Variants in UHRF2 observed in about 807,000 individuals in gnomAD.
UHRF2 encodes E3 ubiquitin-protein ligase UHRF2.
A neutral mutation model predicts 96.8 loss-of-function variants in UHRF2; 23 were observed. The ratio of observed to expected loss-of-function variants is 0.24; its 90% confidence interval spans 0.17 to 0.34. UHRF2 has a LOEUF of 0.34. Ranked by LOEUF, UHRF2 falls within the 10% of genes least tolerant of loss-of-function variation. UHRF2 has a pLI of 1.00. For synonymous variants in UHRF2, 385 were observed against 332.6 expected (o/e 1.16, Z -1.72); for missense variants, 685 against 981.5 (o/e 0.70, Z 4.04).
At chr9:6,459,738 C>T (rs903549483) in intron 3 of UHRF2, among the ~76,000 whole-genome samples, 2 of 152,180 alleles carry the variant, frequency 1.3e-5, no homozygotes, top group African/African-American at 4.8e-5. Context: ...CTTTGGGAGT[C>T]CAAGGCAGGG....
At chr9:6,487,698 C>T (rs1416045107) in intron 9 of UHRF2, among the ~76,000 whole-genome samples, 1 of 152,138 alleles carries the variant, frequency 6.6e-6, no homozygotes, top group African/African-American at 2.4e-5. Flanking sequence ...GCTGGGGTTT[C>T]GCCATGTTGG....
At chr9:6,455,196 T>G (rs1382877556) in intron 3 of UHRF2, among the ~76,000 whole-genome samples, 1 of 152,218 alleles carries the variant, frequency 6.6e-6, no homozygotes, top group African/African-American at 2.4e-5. Flanking sequence ...CGAGCTCGTT[T>G]GTTACATATG....
intron 4 of UHRF2, among the ~76,000 whole-genome samples, chr9:6,465,001 G>A (rs1397655898): frequency 6.6e-6 from 1 of 151,974 alleles, no homozygotes; most frequent in African/African-American, 2.4e-5. Flanking sequence ...AAAATGTTTG[G>A]AATTATAATC....
At chr9:6,425,207 A>G (rs555760420) in intron 2 of UHRF2, among the ~76,000 whole-genome samples, 13 of 152,196 alleles carry the variant, frequency 8.5e-5, no homozygotes, top group Non-Finnish European at 1.3e-4. Flanking sequence ...ATTACTCAAC[A>G]TGGGAGGTGT....
intron 9 of UHRF2, among the ~76,000 whole-genome samples, chr9:6,487,895 A>T (rs913530433): frequency 6.6e-6 from 1 of 152,206 alleles, no homozygotes; most frequent in Admixed American, 6.5e-5. Context: ...TTTATTTTTT[A>T]AAATTAAACT....
intron 9 of UHRF2, among the ~76,000 whole-genome samples, chr9:6,491,344 C>T (rs891514281): frequency 1.3e-5 from 2 of 152,172 alleles, no homozygotes; most frequent in African/African-American, 2.4e-5. Context: ...TAAAGGCTTG[C>T]TGTGAGGTTT....
At chr9:6,460,235 A>T (rs1402874554) in intron 3 of UHRF2, among the ~76,000 whole-genome samples, 1 of 152,190 alleles carries the variant, frequency 6.6e-6, no homozygotes, top group African/African-American at 2.4e-5. Flanking sequence ...ATTCTAGAAA[A>T]ATTGTATATA....
chr9:6,443,014 G>A (rs1276087399), intron 3 of UHRF2, among the ~76,000 whole-genome samples: 1 of 151,954 alleles, frequency 6.6e-6, no homozygotes, highest in African/African-American at 2.4e-5. Context: ...TAGAGGTCTC[G>A]GGTTATAACT....
chr9:6,448,786 T>C (rs1228480603), intron 3 of UHRF2, among the ~76,000 whole-genome samples: 1 of 152,244 alleles, frequency 6.6e-6, no homozygotes, highest in Non-Finnish European at 1.5e-5. Context: ...GTTGTGGCAG[T>C]AGACAGACTA....
chr9:6,441,994 C>A (rs767449863), intron 3 of UHRF2, among the ~76,000 whole-genome samples: 2 of 152,098 alleles, frequency 1.3e-5, no homozygotes, highest in Non-Finnish European at 2.9e-5. Flanking sequence ...TAAGGTTTTT[C>A]TTGCTCTGTT....
intron 2 of UHRF2, among the ~76,000 whole-genome samples, chr9:6,430,167 T>C (rs1820486908): frequency 6.6e-6 from 1 of 152,200 alleles, no homozygotes; most frequent in Non-Finnish European, 1.5e-5. Context: ...CATGCCACCA[T>C]GCCCGGCTAA....
In UHRF2 at chr9:6,498,039, A is replaced by G; in HGVS notation, c.1789A>G (p.Ile597Val). 6.2e-7 allele frequency: 1 copy of G among 1,613,048 alleles called. No individual in the cohort carries two copies. Among genetic ancestry groups the G allele is most frequent in the Non-Finnish European group, 8.5e-7 (1 of 1,179,928 alleles). The change falls in exon 12 of 16, where the codon ATT (isoleucine) becomes GTT (valine). Residue 597 changes from isoleucine to valine, a missense_variant. Transcript: ENST00000276893. Reference protein sequence around the residue: ...IYKVVKYWPEISSSHGFLVWR... With the variant: ...IYKVVKYWPEVSSSHGFLVWR... ...TTAGGTGGTGAAATACTGGCCAGAG[A>G]TTTCATCAAGCCATGGATTCTTGGT...
intron 3 of UHRF2, among the ~76,000 whole-genome samples, chr9:6,434,555 C>T (rs938114692): frequency 4.6e-5 from 7 of 152,028 alleles, no homozygotes; most frequent in African/African-American, 1.4e-4. Context: ...TCTCCTGCCT[C>T]AGCCTCCCAA....
intron 15 of UHRF2, 130 bp downstream of exon 15, chr9:6,504,821 A>ATTTAGT: frequency 1.7e-6 from 1 of 589,944 alleles, no homozygotes; most frequent in African/African-American, 1.9e-5. Flanking sequence ...GTTAAGAAGC[A>ATTTAGT]TTTAGTTACG....
At chr9:6,498,614 C>T (rs1825104517) in intron 12 of UHRF2, 1 of 154,824 alleles carries the variant, frequency 6.5e-6, no homozygotes, top group Non-Finnish European at 1.4e-5. Flanking sequence ...CGCAAAGCTG[C>T]TTCCCTGCCC....
At chr9:6,450,859 T>C (rs1821814675) in intron 3 of UHRF2, among the ~76,000 whole-genome samples, 2 of 152,200 alleles carry the variant, frequency 1.3e-5, no homozygotes, top group South Asian at 4.1e-4. Flanking sequence ...GGAATCCCAG[T>C]TATTTCGAAT....
chr9:6,445,966 TCC>T (rs35680435), intron 3 of UHRF2, among the ~76,000 whole-genome samples: 1 of 112,652 alleles, frequency 8.9e-6, no homozygotes. Context: ...TAAATACTCT[TCC>T]CCCCCCGCCA....
chr9:6,481,481 A>G (rs1462161134), intron 6 of UHRF2, among the ~76,000 whole-genome samples, 162 bp from the exon 7 acceptor site: 1 of 152,250 alleles, frequency 6.6e-6, no homozygotes, highest in Non-Finnish European at 1.5e-5. Context: ...CTAACCATGT[A>G]AATATTTTGA....
intron 6 of UHRF2, among the ~76,000 whole-genome samples, chr9:6,478,665 G>A (rs527314485): frequency 6.6e-6 from 1 of 152,164 alleles, no homozygotes; most frequent in Non-Finnish European, 1.5e-5. Context: ...ACTGGTGAGC[G>A]TTTTTAAGTA....
Sources: allele counts gnomAD v4.1 joint callset (sites outside exome capture counted in the v4.1 genomes callset), GRCh38; gene constraint gnomAD v4.1.1; transcripts MANE v1.5; gene names NCBI Gene and HGNC (gene_info 2026-07-23, HGNC 2026-07-21).